Variants in MYO3B observed in about 807,000 individuals in gnomAD.
The protein encoded by MYO3B is myosin IIIB, also known as myosin-IIIb.
A neutral mutation model predicts 174.6 loss-of-function variants in MYO3B; 156 were observed. The ratio of observed to expected loss-of-function variants is 0.89; its 90% CI spans 0.78 to 1.02. The LOEUF (loss-of-function observed/expected upper bound fraction) is 1.02, where lower values mean the gene tolerates loss of function less well. Among genes scored for constraint, MYO3B ranks in the 50% least tolerant of loss-of-function variants. MYO3B has a pLI of 0.00. For missense variants in MYO3B, 1,632 were observed against 1,639.4 expected (o/e 1.00, Z 0.08); for synonymous variants, 563 against 569.1 (o/e 0.99, Z 0.15).
At chr2:170,498,095 ACCT>A (rs749783883) in intron 25 of MYO3B, among the ~76,000 whole-genome samples, 2 of 152,218 alleles carry the variant, frequency 1.3e-5, no homozygotes, top group African/African-American at 2.4e-5. Flanking sequence ...AAGAAAATAC[ACCT>A]CCTCTATACG....
intron 7 of MYO3B, among the ~76,000 whole-genome samples, chr2:170,269,791 A>G (rs2093413180): frequency 6.6e-6 from 1 of 152,224 alleles, no homozygotes; most frequent in Non-Finnish European, 1.5e-5. Context: ...CCTGACATGC[A>G]AAGATTTCAA....
chr2:170,622,362 TTC>T (rs1176553450), intron 32 of MYO3B, among the ~76,000 whole-genome samples: 8 of 152,286 alleles, frequency 5.3e-5, no homozygotes, highest in South Asian at 2.1e-4. Flanking sequence ...CAAAATGATT[TTC>T]TGTCCTGAGA....
intron 9 of MYO3B, among the ~76,000 whole-genome samples, chr2:170,376,982 T>G (rs1344230096): frequency 6.6e-6 from 1 of 152,188 alleles, no homozygotes; most frequent in Admixed American, 6.5e-5. Context: ...GAAGAGCGTA[T>G]CCTGTCTCAC....
At chr2:170,213,707 T>C (rs1300165849) in intron 3 of MYO3B, among the ~76,000 whole-genome samples, 2 of 152,182 alleles carry the variant, frequency 1.3e-5, no homozygotes, top group Non-Finnish European at 2.9e-5. Context: ...AAAGAACAAA[T>C]ATGCAAAATA....
At chr2:170,435,290 A>G (rs2094744537) in intron 22 of MYO3B, among the ~76,000 whole-genome samples, 1 of 152,210 alleles carries the variant, frequency 6.6e-6, no homozygotes, top group Non-Finnish European at 1.5e-5. Context: ...GGTAAGGATC[A>G]TAGTGCAGCA....
At chr2:170,589,840 G>A (rs977434310) in intron 32 of MYO3B, among the ~76,000 whole-genome samples, 8 of 152,088 alleles carry the variant, frequency 5.3e-5, no homozygotes, top group East Asian at 1.9e-4. Flanking sequence ...ACTCACTGAC[G>A]CACCCAGTGC....
chr2:170,189,505 TC>T (rs539790319), intron 1 of MYO3B, among the ~76,000 whole-genome samples: 58 of 152,134 alleles, frequency 3.8e-4, no homozygotes, highest in Middle Eastern at 6.8e-3. Context: ...AAGTGTGAGT[TC>T]TTTTTTTTAT....
chr2:170,303,617 T>G (rs1005255424), intron 7 of MYO3B, among the ~76,000 whole-genome samples: 1 of 152,072 alleles, frequency 6.6e-6, no homozygotes, highest in Non-Finnish European at 1.5e-5. Flanking sequence ...ACTTTATTCT[T>G]TGATTGCTTT....
chr2:170,633,564 A>G (rs1018212904), intron 32 of MYO3B, among the ~76,000 whole-genome samples: 1 of 152,144 alleles, frequency 6.6e-6, no homozygotes, highest in African/African-American at 2.4e-5. Context: ...CTGGCACAAG[A>G]CAGGGATGCC....
At chr2:170,334,683 G>C (rs2093934972) in intron 7 of MYO3B, 1 of 151,966 alleles carries the variant, frequency 6.6e-6, no homozygotes, top group Non-Finnish European at 1.5e-5. Flanking sequence ...AGCAAATCAG[G>C]GCTCTTACCC....
chr2:170,317,615 A>AGGAG (rs2093785177), intron 7 of MYO3B, among the ~76,000 whole-genome samples: 1 of 152,170 alleles, frequency 6.6e-6, no homozygotes, highest in African/African-American at 2.4e-5. Context: ...GTTTGCAGAT[A>AGGAG]GGAGGAAATG....
intron 17 of MYO3B, among the ~76,000 whole-genome samples, chr2:170,400,832 T>C (rs2094471239): frequency 6.6e-6 from 1 of 152,062 alleles, no homozygotes; most frequent in Admixed American, 6.5e-5. Flanking sequence ...GAGCAGTGTT[T>C]TTTTCTTTTT....
intron 8 of MYO3B, among the ~76,000 whole-genome samples, chr2:170,345,967 T>A (rs1428343212): frequency 6.6e-6 from 1 of 151,968 alleles, no homozygotes; most frequent in Non-Finnish European, 1.5e-5. Flanking sequence ...GACATCTTGA[T>A]CTTGGAAGTC....
intron 8 of MYO3B, among the ~76,000 whole-genome samples, chr2:170,362,741 T>C (rs1241298476): frequency 6.6e-6 from 1 of 152,188 alleles, no homozygotes; most frequent in Non-Finnish European, 1.5e-5. Context: ...CAGTGAGACT[T>C]TGCAACAGCA....
chr2:170,401,243 G>C (rs2094474053), intron 17 of MYO3B, among the ~76,000 whole-genome samples: 1 of 152,106 alleles, frequency 6.6e-6, no homozygotes, highest in African/African-American at 2.4e-5. Context: ...TTTGGCAAAA[G>C]ACCACCTCCT....
At chr2:170,633,048 A>T (rs1014245069) in intron 32 of MYO3B, among the ~76,000 whole-genome samples, 30 of 152,216 alleles carry the variant, frequency 2.0e-4, no homozygotes, top group South Asian at 2.1e-4. Flanking sequence ...AGGTACAAGG[A>T]GGAGCTGGTA....
intron 7 of MYO3B, among the ~76,000 whole-genome samples, chr2:170,302,360 G>T (rs955997943): frequency 1.3e-5 from 2 of 152,176 alleles, no homozygotes; most frequent in African/African-American, 4.8e-5. Context: ...CAGCAATATT[G>T]CATGGAAGTA....
intron 25 of MYO3B, among the ~76,000 whole-genome samples, chr2:170,495,483 TAA>T (rs1686806348): frequency 6.6e-6 from 1 of 152,102 alleles, no homozygotes; most frequent in Non-Finnish European, 1.5e-5. Flanking sequence ...ATTATCATAA[TAA>T]ATTAAGATGT....
intron 7 of MYO3B, among the ~76,000 whole-genome samples, chr2:170,318,096 G>A (rs576188922): frequency 6.6e-6 from 1 of 152,196 alleles, no homozygotes; most frequent in African/African-American, 2.4e-5. Context: ...TAGGTCATAG[G>A]GTCATTTTGA....
Sources: allele counts gnomAD v4.1 joint callset (sites outside exome capture counted in the v4.1 genomes callset), GRCh38; gene constraint gnomAD v4.1.1; transcripts MANE v1.5; gene names NCBI Gene and HGNC (gene_info 2026-07-23, HGNC 2026-07-21).